Variants in TMEM201 observed in about 807,000 individuals in gnomAD.
TMEM201 encodes the protein transmembrane protein 201, also known as RP13-15M17.2.
In TMEM201, 26 loss-of-function variants were observed where a neutral mutation model predicts 63.4. That is an observed-to-expected ratio of 0.41 (90% CI 0.30 to 0.57). The LOEUF (loss-of-function observed/expected upper bound fraction) is 0.57, where lower values mean the gene tolerates loss of function less well. Among genes scored for constraint, TMEM201 ranks in the 20% least tolerant of loss-of-function variants. TMEM201 has a pLI of 0.29. For synonymous variants in TMEM201, 417 were observed against 421.6 expected, an observed-to-expected ratio of 0.99 and a Z score of 0.14; for missense variants, 794 against 917.7, an observed-to-expected ratio of 0.87 and a Z score of 1.74.
At position 9,608,148 on chromosome 1, in the gene TMEM201, G is replaced by A. The variant is rs1308622082; in HGVS notation, c.1393+359G>A. Reference sequence around the variant, plus strand: ...CCCAGCTATTTAGGCTGAGGTGGGAGGATCGGTTGAACCCAGGAGTTGGAA... The same window carrying A: ...CCCAGCTATTTAGGCTGAGGTGGGAAGATCGGTTGAACCCAGGAGTTGGAA... On this transcript the variant is annotated intron_variant, in intron 7 of 10. Transcript: ENST00000340381. The surrounding 1 kb of genome is among the most constrained non-coding windows in gnomAD (Gnocchi z 4.3). 6.6e-6 allele frequency among the ~76,000 whole-genome samples: 1 copy of A among 152,198 alleles called. No individual in the cohort carries two copies. Among genetic ancestry groups the A allele is most frequent in the African/African-American group, 2.4e-5 (1 of 41,442 alleles).
chr1:9,607,727 C>T lies in TMEM201; in HGVS notation c.1331C>T (p.Ser444Leu), dbSNP rs921634738. The T allele has an allele frequency of 6.4e-7, 1 of 1,551,810 alleles. No homozygotes were observed. Among genetic ancestry groups the T allele is most frequent in the Non-Finnish European group, 8.7e-7 (1 of 1,147,084 alleles). The change falls in exon 7 of 11, where the codon TCA (serine) becomes TTA (leucine). Residue 444 changes from serine (S) to leucine (L), a missense_variant. Coordinates refer to ENST00000340381, the MANE Select transcript of TMEM201 (RefSeq NM_001130924.3). This position sits in a 1 kb window ranked among gnomAD's most constrained non-coding sequence, Gnocchi z 5.4. Reference protein sequence around the residue: ...FRSPRRTSPSSLPGRLSRALS... With the variant: ...FRSPRRTSPSLLPGRLSRALS... ...TCTCCTCGACGGACCTCACCCTCCTCATTGCCTGGCCGCCTCAGCCGGGCC... is the reference window on the plus strand; with the variant it reads ...TCTCCTCGACGGACCTCACCCTCCTTATTGCCTGGCCGCCTCAGCCGGGCC...
chr1:9,594,517 G>A (rs1006829356), intron 1 of TMEM201, among the ~76,000 whole-genome samples: 3 of 152,222 alleles, frequency 2.0e-5, no homozygotes, highest in Non-Finnish European at 2.9e-5. Flanking sequence ...TGTTAAGTGC[G>A]TCCCACGAGC....
Position 9,596,890 on chromosome 1 carries a change from A to T in TMEM201, c.266A>T (p.Gln89Leu). ...NGDYNKPIPA[Q>L]YLEHLNHVVS... is the part of the protein sequence containing the mutation. The stretch of plus-strand genomic sequence containing the variant: ...GACTACAACAAGCCGATCCCCGCCC[A>T]GTACTTGGAGCACCTGAACCACGTG... The change falls in exon 3 of 11, where the codon CAG (glutamine) becomes CTG (leucine). Residue 89 changes from glutamine (Q) to leucine (L), a missense_variant. By Grantham distance (113) the Gln-to-Leu change is moderately radical. Transcript: ENST00000340381. 6.2e-7 allele frequency: 1 copy of T among 1,602,112 alleles called. No individual in the cohort carries two copies. Among genetic ancestry groups the T allele is most frequent in the Admixed American group, 1.7e-5 (1 of 59,666 alleles).
Position 9,598,431 on chromosome 1 carries a change from GT to G in TMEM201, c.430-16del. ...ATCCACCCCTGCAGATGCCGAGCCT[GT>G]TCCCCCAACCCCACAGGGCAGGTAT... On this transcript the variant is annotated splice_polypyrimidine_tract_variant and intron_variant, in intron 3 of 10. Transcript: ENST00000340381. 6.2e-7 allele frequency: 1 copy of G among 1,601,918 alleles called. No homozygotes were observed. The highest frequency in any genetic ancestry group is 2.2e-5 in the East Asian group (1 of 44,506).
chr1:9,599,753 G>T (rs918728542), intron 4 of TMEM201, among the ~76,000 whole-genome samples: 1 of 152,092 alleles, frequency 6.6e-6, no homozygotes, highest in Non-Finnish European at 1.5e-5. Flanking sequence ...CTCCCAAGTA[G>T]CTGGGACTAC....
chr1:9,602,133 G>A lies in TMEM201; in HGVS notation c.1021G>A (p.Glu341Lys). 1.2e-6 allele frequency: 2 copies of A among 1,613,062 alleles called. No individual in the cohort carries two copies. Among genetic ancestry groups the A allele is most frequent in the Non-Finnish European group, 1.7e-6 (2 of 1,180,020 alleles). Residue 341 changes from glutamate (E) to lysine (K), a missense_variant, in exon 6 of 11, where the codon GAG becomes AAG. Transcript: ENST00000340381. ...CCTGCTGCTGGGGCTGCACCTGGCT[G>A]AGCAGCACCTGCAGGCCGCCTCGCC... ...WALLLGLHLA[E>K]QHLQAASPSW...
At position 9,603,447 on chromosome 1, in the gene TMEM201, A is replaced by G; in HGVS notation, c.1160+1175A>G. On this transcript the variant is annotated intron_variant, in intron 6 of 10. Transcript: ENST00000340381. This position sits in a 1 kb window ranked among gnomAD's most constrained non-coding sequence, Gnocchi z 4.5. ...AGGGGTCCCAGTCGAGAGTGGCCCG[A>G]GGCCGTCCCTCACCGGGCATGTTCC... 1 of 985,352 alleles carries G rather than the reference A, an allele frequency of 1.0e-6. No individual in the cohort carries two copies. Among genetic ancestry groups the G allele is most frequent in the Non-Finnish European group, 1.2e-6 (1 of 829,916 alleles). The allele number at this position is 985,352 out of a possible 1,614,324, so 61.0% of individuals were successfully genotyped here.
Position 9,608,924 on chromosome 1 carries a change from G to A in TMEM201, c.1394-916G>A, listed in dbSNP as rs117571815. On this transcript the variant is annotated intron_variant, in intron 7 of 10. Transcript: ENST00000340381. This position sits in a 1 kb window ranked among gnomAD's most constrained non-coding sequence, Gnocchi z 4.3. ...CAGAGTGGGTCGGGGGGAGGAGCCC[G>A]GTCTCCATCGCCAGAGGGTGGGTCG... 0.013 allele frequency among the ~76,000 whole-genome samples: 2,010 copies of A among 152,198 alleles called. 30 individuals are homozygous for A. The highest frequency in any genetic ancestry group is 0.037 in the Admixed American group (560 of 15,284).
At position 9,610,380 on chromosome 1, in the gene TMEM201, C is replaced by A. The variant is rs984638296; in HGVS notation, c.1466-126C>A. ...GCTTTGCAGCAGGACTTCCCCCTGT[C>A]CCCAGTCTCTGCACCTTTCCTGTCT... is the stretch of plus-strand genomic sequence containing the variant. On this transcript the variant is annotated intron_variant, in intron 8 of 10. Coordinates refer to ENST00000340381, the MANE Select transcript of TMEM201 (RefSeq NM_001130924.3). This position sits in a 1 kb window ranked among gnomAD's most constrained non-coding sequence, Gnocchi z 4.9. The A allele has an allele frequency of 1.0e-6, 1 of 995,766 alleles. No homozygotes were observed. The highest frequency in any genetic ancestry group is 1.4e-6 in the Non-Finnish European group (1 of 697,688). 61.7% of individuals were successfully genotyped at this position (995,766 alleles called of 1,614,324 possible).
intron 1 of TMEM201, among the ~76,000 whole-genome samples, chr1:9,590,394 A>T (rs1310566586): frequency 2.0e-5 from 3 of 152,090 alleles, no homozygotes; most frequent in African/African-American, 7.2e-5. Context: ...CTAACCCAGG[A>T]TGGGGGGTGT....
chr1:9,589,497 G>C (rs1377368830), intron 1 of TMEM201, among the ~76,000 whole-genome samples: 3 of 152,264 alleles, frequency 2.0e-5, no homozygotes, highest in Non-Finnish European at 4.4e-5. Context: ...TAGAGCAGCT[G>C]AGGGACAGGG....
chr1:9,611,340 G>A (rs1386373471), intron 9 of TMEM201, among the ~76,000 whole-genome samples: 1 of 152,098 alleles, frequency 6.6e-6, no homozygotes, highest in Non-Finnish European at 1.5e-5. Flanking sequence ...TGGGACTACA[G>A]GTGCGCGCCA....
rs202018828 is a variant in TMEM201, at chr1:9,601,396, G to A, written c.898G>A (p.Val300Ile). The change falls in exon 5 of 11, where the codon GTC becomes ATC. Residue 300 changes from valine to isoleucine, a missense_variant. By Grantham distance (29) the Val-to-Ile change is conservative. Coordinates refer to ENST00000340381, the MANE Select transcript of TMEM201 (RefSeq NM_001130924.3). ...WAFGQSHQTG[V>I]VALGLLTCLL... is the part of the protein sequence containing the mutation. ...CTTTGGGCAGAGCCACCAGACGGGC[G>A]TCGTGGCACTGGGCCTACTCACCTG... is the stretch of plus-strand genomic sequence containing the variant. The A allele has an allele frequency of 1.0e-4, 160 of 1,602,424 alleles. No homozygotes were observed. The highest frequency in any genetic ancestry group is 2.9e-4 in the East Asian group (13 of 44,852).
rs981539346 is a variant in TMEM201, at chr1:9,604,099, G to C, written c.1160+1827G>C. The C allele has an allele frequency of 1.0e-6, 1 of 985,328 alleles. No individual in the cohort carries two copies. The highest frequency in any genetic ancestry group is 1.7e-5 in the African/African-American group (1 of 57,236). 61.0% of individuals were successfully genotyped at this position (985,328 alleles called of 1,614,324 possible). A position where few individuals can be genotyped will look rare whatever the true frequency, so the allele number is the denominator to read the frequency against. On this transcript the variant is annotated intron_variant, in intron 6 of 10. Transcript: ENST00000340381. The surrounding 1 kb of genome is among the most constrained non-coding windows in gnomAD (Gnocchi z 4.1). ...GAAGGACGTGGTGGAGCCAGGACGG[G>C]AAAGCGTCCTGTCGGCTGGCCATGC... is the stretch of plus-strand genomic sequence containing the variant.
intron 4 of TMEM201, among the ~76,000 whole-genome samples, chr1:9,599,743 C>T (rs930740438): frequency 1.3e-4 from 20 of 152,158 alleles, no homozygotes; most frequent in African/African-American, 4.8e-4. Context: ...CTGCCTCAGC[C>T]TCCCAAGTAG....
intron 1 of TMEM201, among the ~76,000 whole-genome samples, chr1:9,590,389 C>A (rs1643900518): frequency 6.6e-6 from 1 of 152,176 alleles, no homozygotes; most frequent in African/African-American, 2.4e-5. Context: ...CTCAGCTAAC[C>A]CAGGATGGGG....
rs1289552890 is a variant in TMEM201 at position 9,607,683 on chromosome 1, CA to C, written c.1289del (p.Asn430ThrfsTer32). 6.4e-7 allele frequency: 1 copy of C among 1,552,010 alleles called. No homozygotes were observed. Among genetic ancestry groups the C allele is most frequent in the East Asian group, 2.4e-5 (1 of 40,918 alleles). On this transcript the variant is annotated frameshift_variant, in exon 7 of 11. Transcript: ENST00000340381. LOFTEE classifies it high-confidence loss of function. The surrounding 1 kb of genome is among the most constrained non-coding windows in gnomAD (Gnocchi z 5.4). ...PSPPSFLPLA[N>X]QQLFRSPRRT... Reference sequence around the variant, plus strand: ...GCCCGCCCAGCTTCCTGCCCCTCGCCAACCAGCAGCTCTTCCGGTCTCCTCG... The same window carrying C: ...GCCCGCCCAGCTTCCTGCCCCTCGCCACCAGCAGCTCTTCCGGTCTCCTCG...
chr1:9,612,940 AACCC>A, intron 10 of TMEM201, 42 bp from the exon 11 acceptor site: 3 of 1,527,292 alleles, frequency 2.0e-6, no homozygotes, highest in Non-Finnish European at 2.7e-6. Context: ...CTGCACAGCG[AACCC>A]ACCCACCCAA....
chr1:9,609,821 C>T lies in TMEM201; in HGVS notation c.1394-19C>T, dbSNP rs775333004. On this transcript the variant is annotated intron_variant, in intron 7 of 10. Coordinates refer to ENST00000340381, the MANE Select transcript of TMEM201 (RefSeq NM_001130924.3). ...TCATCCACAGGCCTGACGTGTCGCCCGCTTCTCTCTGTCTCCAGACTCCGG... is the reference window on the plus strand; with the variant it reads ...TCATCCACAGGCCTGACGTGTCGCCTGCTTCTCTCTGTCTCCAGACTCCGG... 3.0e-5 allele frequency: 47 copies of T among 1,551,048 alleles called. No individual in the cohort carries two copies. In the South Asian group the frequency reaches 3.8e-4, roughly 13 times the overall value.
Sources: allele counts gnomAD v4.1 joint callset (sites outside exome capture counted in the v4.1 genomes callset), GRCh38; gene constraint gnomAD v4.1.1; non-coding constraint Gnocchi (gnomAD v3.1); transcripts MANE v1.5; gene names NCBI Gene and HGNC (gene_info 2026-07-23, HGNC 2026-07-21).